Variants in ANKFN1 observed in about 807,000 individuals in gnomAD.
ANKFN1 encodes the protein ankyrin repeat and fibronectin type-III domain-containing protein 1.
In ANKFN1, 74 loss-of-function variants were observed where a neutral mutation model predicts 108.7. The ratio of observed to expected loss-of-function variants is 0.68; its 90% CI spans 0.56 to 0.83. The LOEUF (loss-of-function observed/expected upper bound fraction) is 0.83, where lower values mean the gene tolerates loss of function less well. ANKFN1 is among the 40% of genes least tolerant of loss of function. ANKFN1 has a pLI of 0.00. For missense variants in ANKFN1, 1,505 were observed against 1,382.3 expected (o/e 1.09, Z -1.41); for synonymous variants, 547 against 516.2 (o/e 1.06, Z -0.81).
At chr17:56,183,219 G>A (rs1412684342) in intron 1 of ANKFN1, among the ~76,000 whole-genome samples, 2 of 152,106 alleles carry the variant, frequency 1.3e-5, no homozygotes, top group African/African-American at 2.4e-5. Flanking sequence ...ATTTCATAAG[G>A]TTATAGTTAC....
chr17:56,354,760 A>G (rs2046331694), intron 6 of ANKFN1, among the ~76,000 whole-genome samples: 1 of 152,162 alleles, frequency 6.6e-6, no homozygotes, highest in Non-Finnish European at 1.5e-5. Context: ...AAAATTCCAC[A>G]TGTAAGTGAG....
intron 4 of ANKFN1, among the ~76,000 whole-genome samples, chr17:56,084,812 C>G (rs1163959147): frequency 6.6e-6 from 1 of 151,072 alleles, no homozygotes; most frequent in Non-Finnish European, 1.5e-5. Context: ...GAAAGTGGCT[C>G]TGGGCTGGGG....
intron 14 of ANKFN1, among the ~76,000 whole-genome samples, chr17:56,460,427 T>C (rs1213758513): frequency 3.3e-5 from 5 of 152,022 alleles, no homozygotes; most frequent in African/African-American, 9.7e-5. Flanking sequence ...CACTCCAGCC[T>C]GGGTGAAAGA....
At chr17:56,315,124 T>C (rs28582718) in intron 3 of ANKFN1, among the ~76,000 whole-genome samples, 2,802 of 152,314 alleles carry the variant, frequency 0.018, 92 homozygotes, top group African/African-American at 0.061. Flanking sequence ...ATTTCTCCTG[T>C]CCATATGCCA....
intron 3 of ANKFN1, among the ~76,000 whole-genome samples, chr17:56,229,110 G>A (rs745907286): frequency 3.9e-5 from 6 of 152,030 alleles, no homozygotes; most frequent in African/African-American, 4.8e-5. Context: ...ATACTCAAGC[G>A]TTAGCACAAA....
intron 4 of ANKFN1, among the ~76,000 whole-genome samples, chr17:56,146,065 G>C (rs1308415195): frequency 6.6e-6 from 1 of 152,126 alleles, no homozygotes; most frequent in Non-Finnish European, 1.5e-5. Context: ...CAAAACTAAG[G>C]GGCTACAGGC....
chr17:56,212,257 G>A (rs1250790650), intron 1 of ANKFN1, among the ~76,000 whole-genome samples: 1 of 151,842 alleles, frequency 6.6e-6, no homozygotes, highest in Non-Finnish European at 1.5e-5. Flanking sequence ...AAGAGATGCT[G>A]GATTTTGTCA....
chr17:56,264,969 C>T (rs1270225249), intron 3 of ANKFN1, among the ~76,000 whole-genome samples: 1 of 152,130 alleles, frequency 6.6e-6, no homozygotes, highest in Non-Finnish European at 1.5e-5. Flanking sequence ...TCTACTTTTT[C>T]ACATTTTTAT....
intron 4 of ANKFN1, among the ~76,000 whole-genome samples, chr17:56,071,961 A>G (rs1442536045): frequency 6.6e-6 from 1 of 152,240 alleles, no homozygotes; most frequent in Non-Finnish European, 1.5e-5. Flanking sequence ...CTCCGGGCAC[A>G]GCAAGAGACC....
chr17:56,213,009 T>C (rs1334428872), intron 2 of ANKFN1, among the ~76,000 whole-genome samples: 1 of 152,182 alleles, frequency 6.6e-6, no homozygotes, highest in African/African-American at 2.4e-5. Context: ...CTGAAGTTCT[T>C]TGTATTTATT....
At chr17:56,321,075 A>AG (rs1361076137) in intron 3 of ANKFN1, among the ~76,000 whole-genome samples, 1 of 151,922 alleles carries the variant, frequency 6.6e-6, no homozygotes, top group Non-Finnish European at 1.5e-5. Context: ...AAAAAAAAAA[A>AG]AAAAAAGTCT....
At chr17:56,275,292 A>C (rs963373029) in intron 3 of ANKFN1, among the ~76,000 whole-genome samples, 5 of 152,146 alleles carry the variant, frequency 3.3e-5, no homozygotes, top group African/African-American at 1.2e-4. Context: ...CAAGGAGATG[A>C]ACATTATGAA....
intron 3 of ANKFN1, among the ~76,000 whole-genome samples, chr17:56,257,177 A>G (rs1389333308): frequency 6.6e-6 from 1 of 152,164 alleles, no homozygotes; most frequent in Admixed American, 6.5e-5. Context: ...AATAGTTTTT[A>G]TGTCAATGGT....
chr17:56,243,314 C>T (rs1309653759), intron 3 of ANKFN1, among the ~76,000 whole-genome samples: 3 of 152,126 alleles, frequency 2.0e-5, no homozygotes, highest in African/African-American at 7.2e-5. Context: ...TCACCCAAGA[C>T]TGCCAGTCCA....
In ANKFN1 at chr17:56,510,844, C is replaced by T. The variant is rs1422011634; in HGVS notation, c.3016C>T (p.Pro1006Ser). ...FLGKRKPGKH[P>S]HYGGFSRHHR... ...GGGAAAGCGGAAGCCAGGCAAGCAC[C>T]CCCACTATGGCGGCTTCAGCCGCCA... Residue 1006 changes from proline (P) to serine (S), a missense_variant, in exon 21 of 21, where the codon CCC (proline) becomes TCC (serine). Physicochemically the swap from Pro to Ser is moderately conservative, Grantham distance 74. Transcript: ENST00000682825. 8 of 1,536,054 alleles carry T rather than the reference C, an allele frequency of 5.2e-6. No individual in the cohort carries two copies. Among genetic ancestry groups the T allele is most frequent in the Admixed American group, 2.0e-5 (1 of 50,992 alleles).
intron 3 of ANKFN1, among the ~76,000 whole-genome samples, chr17:56,309,103 T>A (rs988002162): frequency 2.0e-5 from 3 of 152,222 alleles, no homozygotes; most frequent in Non-Finnish European, 4.4e-5. Context: ...CCTCCTCTTT[T>A]GGGTTGGAAT....
chr17:56,223,412 A>G (rs921224661), intron 2 of ANKFN1, among the ~76,000 whole-genome samples: 1 of 152,200 alleles, frequency 6.6e-6, no homozygotes, highest in Non-Finnish European at 1.5e-5. Context: ...TTAACTGTTA[A>G]AAAGGTATAA....
At chr17:56,258,928 A>G (rs768687448) in intron 3 of ANKFN1, among the ~76,000 whole-genome samples, 7 of 152,070 alleles carry the variant, frequency 4.6e-5, no homozygotes, top group East Asian at 1.9e-4. Flanking sequence ...AAATAAGTAA[A>G]TAAATAAATA....
intron 4 of ANKFN1, among the ~76,000 whole-genome samples, chr17:56,117,639 C>A (rs1906360327): frequency 2.0e-5 from 3 of 152,124 alleles, no homozygotes; most frequent in Non-Finnish European, 2.9e-5. Flanking sequence ...AAGACGAAAA[C>A]TGGAAAAGGA....
Sources: allele counts gnomAD v4.1 joint callset (sites outside exome capture counted in the v4.1 genomes callset), GRCh38; gene constraint gnomAD v4.1.1; transcripts MANE v1.5; gene names NCBI Gene and HGNC (gene_info 2026-07-23, HGNC 2026-07-21).